PRKAR1B: variants seen among roughly 807,000 people sequenced by gnomAD.
PRKAR1B encodes protein kinase cAMP-dependent type I regulatory subunit beta.
In PRKAR1B, 22 loss-of-function variants were observed where a neutral mutation model predicts 46.5. That is an observed-to-expected ratio of 0.47 (90% CI 0.34 to 0.68). The LOEUF is 0.68. Among genes scored for constraint, PRKAR1B ranks in the 30% least tolerant of loss-of-function variants. The pLI, the probability that PRKAR1B is intolerant of heterozygous loss-of-function variation, is 0.01. For missense variants in PRKAR1B, 445 were observed against 535.6 expected (o/e 0.83, Z 1.67); for synonymous variants, 259 against 217.7 (o/e 1.19, Z -1.67).
At position 704,113 on chromosome 7, in the gene PRKAR1B, A is replaced by G. The variant is rs1780192677; in HGVS notation, c.177+7216T>C. 2.6e-5 allele frequency among the ~76,000 whole-genome samples: 4 copies of G among 152,312 alleles called. No individual in the cohort carries two copies. The South Asian group carries it at 8.3e-4, about 32-fold the overall frequency. On this transcript the variant is annotated intron_variant, in intron 2 of 10. Coordinates refer to ENST00000537384, the MANE Select transcript of PRKAR1B (RefSeq NM_001164760.2). ...TAGCATTATATATTTCTATCAGATA[A>G]AAAGCCTTAATCATCTAAAATTTCA...
rs1325090684 is a variant in PRKAR1B at position 580,230 on chromosome 7, C to CAA, written c.770-855_770-854dup. On this transcript the variant is annotated intron_variant, in intron 8 of 10. Coordinates refer to ENST00000537384, the MANE Select transcript of PRKAR1B (RefSeq NM_001164760.2). ...TGGGAGACAGAGCAACACCCTGTCT[C>CAA]AAAAAAAAAAAAAAAAGAAAAAAGA... Among the ~76,000 whole-genome samples, 388 of 104,842 alleles carry CAA rather than the reference C, an allele frequency of 3.7e-3. 1 individual carries two copies. Among genetic ancestry groups the CAA allele is most frequent in the African/African-American group, 0.014 (365 of 26,416 alleles). The allele number at this position is 104,842 out of a possible 152,430, so 68.8% of individuals were successfully genotyped here.
intron 8 of PRKAR1B, among the ~76,000 whole-genome samples, chr7:580,261 A>AT (rs1780096943): frequency 6.6e-6 from 1 of 151,400 alleles, no homozygotes; most frequent in Non-Finnish European, 1.5e-5. Context: ...AAAGAAAAAA[A>AT]CAGAAAAACT....
intron 2 of PRKAR1B, among the ~76,000 whole-genome samples, chr7:686,385 T>C (rs552883754): frequency 1.3e-5 from 2 of 152,178 alleles, no homozygotes; most frequent in African/African-American, 4.8e-5. Context: ...ATTTAGGATT[T>C]TAGAAAGGAA....
chr7:605,884 C>T (rs867140455), intron 6 of PRKAR1B, among the ~76,000 whole-genome samples: 14 of 152,148 alleles, frequency 9.2e-5, no homozygotes, highest in African/African-American at 2.9e-4. Context: ...CTGGAGACGG[C>T]GCTGGGTCAA....
At chr7:603,136 C>T (rs1273214488) in intron 6 of PRKAR1B, 4 of 152,262 alleles carry the variant, frequency 2.6e-5, no homozygotes, top group Admixed American at 6.5e-5. Context: ...CGATGCAAAC[C>T]GGCACCTTGA....
At chr7:613,646 T>C (rs1383782461) in intron 4 of PRKAR1B, among the ~76,000 whole-genome samples, 1 of 152,102 alleles carries the variant, frequency 6.6e-6, no homozygotes, top group African/African-American at 2.4e-5. Context: ...CTCCAATACC[T>C]GCAGAGACAG....
At chr7:627,859 C>T (rs554313374) in intron 4 of PRKAR1B, among the ~76,000 whole-genome samples, 46 of 152,198 alleles carry the variant, frequency 3.0e-4, no homozygotes, top group African/African-American at 8.4e-4. Flanking sequence ...TCCGAGTGCC[C>T]GCTATGTACA....
intron 4 of PRKAR1B, among the ~76,000 whole-genome samples, chr7:630,179 C>A (rs576706247): frequency 6.6e-6 from 1 of 152,360 alleles, no homozygotes; most frequent in African/African-American, 2.4e-5. Flanking sequence ...CCCCACCTCC[C>A]CCTTCCAGGA....
rs1232149442 is a variant in PRKAR1B at position 618,769 on chromosome 7, CTGCTGATT to C, written c.441-11325_441-11318del. On this transcript the variant is annotated intron_variant, in intron 4 of 10. Transcript: ENST00000537384. ...GATAGAAGGGTTGGTACCTTCTTTC[CTGCTGATT>C]TGCAGAAATTCCTTGTGTGTTTTAG... Among the ~76,000 whole-genome samples, 3 of 152,128 alleles carry C rather than the reference CTGCTGATT, an allele frequency of 2.0e-5. No homozygotes were observed. The East Asian group carries it at 5.8e-4, about 29-fold the overall frequency.
intron 4 of PRKAR1B, among the ~76,000 whole-genome samples, chr7:655,649 G>A (rs1583364889): frequency 6.6e-6 from 1 of 152,222 alleles, no homozygotes; most frequent in Non-Finnish European, 1.5e-5. Context: ...TGGTAGGGGT[G>A]GTCTGTGTTG....
At chr7:677,896 G>A (rs186828385) in intron 3 of PRKAR1B, among the ~76,000 whole-genome samples, 3 of 152,298 alleles carry the variant, frequency 2.0e-5, no homozygotes, top group African/African-American at 4.8e-5. Flanking sequence ...AGAGCCTATC[G>A]CTCTAGGCTA....
chr7:682,617 C>A (rs1001553525), intron 2 of PRKAR1B, among the ~76,000 whole-genome samples: 6 of 151,976 alleles, frequency 3.9e-5, no homozygotes, highest in Admixed American at 2.6e-4. Flanking sequence ...TGGTGGCAGG[C>A]ACCTGTAGTC....
intron 7 of PRKAR1B, among the ~76,000 whole-genome samples, chr7:592,462 C>G (rs1191821391): frequency 6.6e-6 from 1 of 151,358 alleles, no homozygotes; most frequent in African/African-American, 2.4e-5. Context: ...GGACATCGGT[C>G]CCTTCCCGGC....
At chr7:662,044 C>A (rs1785607666) in intron 4 of PRKAR1B, among the ~76,000 whole-genome samples, 1 of 80,780 alleles carries the variant, frequency 1.2e-5, no homozygotes. Context: ...CCTACTCTCC[C>A]CCCCATGGCA....
At chr7:582,051 C>T (rs1285507248) in intron 8 of PRKAR1B, among the ~76,000 whole-genome samples, 1 of 152,226 alleles carries the variant, frequency 6.6e-6, no homozygotes, top group Non-Finnish European at 1.5e-5. Flanking sequence ...GGATCCATCC[C>T]CATTCACCAT....
intron 9 of PRKAR1B, among the ~76,000 whole-genome samples, chr7:561,463 A>G (rs1778794472): frequency 6.6e-6 from 1 of 151,998 alleles, no homozygotes; most frequent in South Asian, 2.1e-4. Context: ...CTTCCACCCA[A>G]ATCCCTTCCT....
rs191817659 is a variant in PRKAR1B at position 681,240 on chromosome 7, T to C, written c.178-514A>G. Among the ~76,000 whole-genome samples, 15 of 151,160 alleles carry C rather than the reference T, an allele frequency of 9.9e-5. No individual in the cohort carries two copies. In the East Asian group the frequency reaches 2.9e-3, roughly 30 times the overall value. ...CCCCCGAGCCATGCAGAACTGTGAG[T>C]CAATTCAACCTCTCTGTAAACTACG... is the stretch of plus-strand genomic sequence containing the variant. On this transcript the variant is annotated intron_variant, in intron 2 of 10. Transcript: ENST00000537384.
At chr7:605,391 G>C (rs1267875355) in intron 6 of PRKAR1B, among the ~76,000 whole-genome samples, 1 of 152,252 alleles carries the variant, frequency 6.6e-6, no homozygotes, top group Non-Finnish European at 1.5e-5. Context: ...GGGGATGAGG[G>C]GGCCTCAAAG....
chr7:609,122 G>C (rs1782326558), intron 4 of PRKAR1B, among the ~76,000 whole-genome samples: 1 of 152,120 alleles, frequency 6.6e-6, no homozygotes, highest in Non-Finnish European at 1.5e-5. Flanking sequence ...GGTGGGGCTT[G>C]GCCATGCTGC....
Sources: gnomAD v4.1 joint callset for allele counts (sites outside exome capture counted in the v4.1 genomes callset) on GRCh38, gnomAD v4.1.1 for gene constraint, MANE v1.5 for transcripts, NCBI Gene and HGNC (gene_info 2026-07-23, HGNC 2026-07-21) for gene names.